JAK1: variants seen among roughly 807,000 people sequenced by gnomAD.
JAK1 encodes tyrosine-protein kinase JAK1.
Under a neutral mutation model 136.6 loss-of-function variants are expected in JAK1, and 16 were observed. The observed-to-expected ratio is 0.12, with a 90% CI of 0.08 to 0.18. JAK1 has a LOEUF of 0.18. Ranked by LOEUF, JAK1 falls within the 10% of genes least tolerant of loss-of-function variation. JAK1 has a pLI of 1.00. For synonymous variants in JAK1, 492 were observed against 519.5 expected (o/e 0.95, Z 0.72); for missense variants, 859 against 1,450.1 (o/e 0.59, Z 6.62).
chr1:65,012,828 TCA>T, intron 2 of JAK1, among the ~76,000 whole-genome samples: 1 of 148,838 alleles, frequency 6.7e-6, no homozygotes, highest in Admixed American at 6.7e-5. Context: ...GCACGGTGGC[TCA>T]CACCTGTAAT....
chr1:64,990,368 C>T (rs538128874), intron 2 of JAK1: 3 of 152,026 alleles, frequency 2.0e-5, no homozygotes, highest in Non-Finnish European at 4.4e-5. Flanking sequence ...GAGACTTCAG[C>T]AACCACACAT....
rs552753496 is a variant in JAK1 at position 64,928,575 on chromosome 1, A to G, written c.-78+37758T>C. On this transcript the variant is annotated intron_variant, in intron 1 of 24. Coordinates refer to ENST00000342505, the MANE Select transcript of JAK1 (RefSeq NM_002227.4). ...TCCTAACTGCTCAGCAGAGAAAAAT[A>G]GCTTAGAGGAGCATAAAGAGACCCA... 7.9e-5 allele frequency among the ~76,000 whole-genome samples: 12 copies of G among 152,246 alleles called. 1 individual carries two copies. In the South Asian group the frequency reaches 8.3e-4, roughly 11 times the overall value.
intron 1 of JAK1, among the ~76,000 whole-genome samples, chr1:65,063,459 T>C (rs773471475): frequency 8.6e-5 from 13 of 151,986 alleles, no homozygotes; most frequent in South Asian, 6.2e-4. Context: ...CAGTGGAAAA[T>C]AGAAACACAA....
At chr1:64,944,389 T>C (rs1048715799) in intron 1 of JAK1, among the ~76,000 whole-genome samples, 5 of 152,222 alleles carry the variant, frequency 3.3e-5, no homozygotes, top group Admixed American at 3.3e-4. Context: ...ATATAAATAA[T>C]ATGTCACTTT....
intron 2 of JAK1, chr1:64,986,076 A>G: frequency 9.2e-7 from 1 of 1,090,506 alleles, no homozygotes; most frequent in South Asian, 1.2e-5. Context: ...AGATGGGGTG[A>G]CCTTCTATGT....
chr1:64,861,160 G>A (rs756016286), intron 8 of JAK1, among the ~76,000 whole-genome samples: 3 of 152,090 alleles, frequency 2.0e-5, no homozygotes, highest in Non-Finnish European at 2.9e-5. Context: ...TGGCTAAATC[G>A]GCATTATTCC....
intron 6 of JAK1, among the ~76,000 whole-genome samples, chr1:64,868,115 T>C (rs551474633): frequency 2.2e-4 from 33 of 152,314 alleles, no homozygotes; most frequent in African/African-American, 7.5e-4. Context: ...AGATATATTA[T>C]TTAAAAGATC....
intron 1 of JAK1, among the ~76,000 whole-genome samples, chr1:64,898,164 C>T (rs756968862): frequency 1.5e-4 from 23 of 152,108 alleles, no homozygotes; most frequent in Admixed American, 1.3e-4. Flanking sequence ...AAGAACTTTC[C>T]CAAAGCTTGT....
At chr1:65,039,137 G>A (rs1647105221) in intron 2 of JAK1, among the ~76,000 whole-genome samples, 1 of 152,178 alleles carries the variant, frequency 6.6e-6, no homozygotes, top group Non-Finnish European at 1.5e-5. Flanking sequence ...CTGATAGTTT[G>A]AGATAATAGA....
intron 2 of JAK1, chr1:64,991,839 CA>C (rs1232844200): frequency 6.6e-6 from 1 of 152,104 alleles, no homozygotes; most frequent in Non-Finnish European, 1.5e-5. Context: ...ACAATCGCAT[CA>C]AAAAGTATAA....
intron 1 of JAK1, among the ~76,000 whole-genome samples, chr1:64,963,474 T>C (rs1011752969): frequency 2.6e-5 from 4 of 152,154 alleles, no homozygotes; most frequent in African/African-American, 7.2e-5. Flanking sequence ...AAAAAACCTT[T>C]ACCCCAAAAA....
chr1:64,869,530 A>G, intron 5 of JAK1, 56 bp from the exon 6 acceptor site: 1 of 1,486,156 alleles, frequency 6.7e-7, no homozygotes, highest in Non-Finnish European at 9.3e-7. Context: ...CTTGACAAGA[A>G]GGCTACTACA....
At position 64,928,368 on chromosome 1, in the gene JAK1, C is replaced by A. The variant is rs573106057; in HGVS notation, c.-78+37965G>T. Among the ~76,000 whole-genome samples, 10 of 152,252 alleles carry A rather than the reference C, an allele frequency of 6.6e-5. No individual in the cohort carries two copies. In the South Asian group the frequency reaches 2.1e-3, roughly 32 times the overall value. On this transcript the variant is annotated intron_variant, in intron 1 of 24. Transcript: ENST00000342505. ...AAAGATTCCAGAACAAAGAATACTG[C>A]GAGAAAAAGTAGGCTCAGGCTGGGG...
intron 1 of JAK1, among the ~76,000 whole-genome samples, chr1:64,945,317 T>G (rs1246268967): frequency 2.0e-5 from 3 of 152,132 alleles, no homozygotes; most frequent in Admixed American, 6.6e-5. Flanking sequence ...TAAAAATTAT[T>G]AATGCAATTA....
chr1:64,873,945 G>A (rs191151811), intron 4 of JAK1, among the ~76,000 whole-genome samples: 60 of 152,254 alleles, frequency 3.9e-4, no homozygotes, highest in African/African-American at 1.4e-3. Context: ...GTTTCATCAC[G>A]CAATCAAGAT....
intron 1 of JAK1, among the ~76,000 whole-genome samples, chr1:64,915,165 A>G (rs1468978386): frequency 6.6e-6 from 1 of 152,098 alleles, no homozygotes; most frequent in African/African-American, 2.4e-5. Flanking sequence ...GAAATACCCA[A>G]TTTCACTCCC....
intron 1 of JAK1, among the ~76,000 whole-genome samples, chr1:64,952,013 A>G (rs766087577): frequency 3.3e-5 from 5 of 152,114 alleles, no homozygotes; most frequent in Admixed American, 6.5e-5. Flanking sequence ...CTTGGCGCAC[A>G]TTTCCCCCAG....
In JAK1 at chr1:64,838,517, T is replaced by C. The variant is rs1260352479; in HGVS notation, c.2915A>G (p.Lys972Arg). The part of the protein sequence containing the change: ...GSLKEYLPKN[K>R]NKINLKQQLK... ...CTGCTGTTTGAGGTTTATTTTGTTC[T>C]TATTCTTTGGAAGATATTCCTTAAG... Residue 972 changes from lysine (K) to arginine (R), a missense_variant, in exon 21 of 25, where the codon AAG (lysine) becomes AGG (arginine). Transcript: ENST00000342505. The C allele has an allele frequency of 6.2e-7, 1 of 1,614,016 alleles. No homozygotes were observed. The highest frequency in any genetic ancestry group is 1.1e-5 in the South Asian group (1 of 91,080).
chr1:65,057,218 A>G (rs375309517), intron 1 of JAK1, among the ~76,000 whole-genome samples: 35 of 152,306 alleles, frequency 2.3e-4, no homozygotes, highest in African/African-American at 8.4e-4. Flanking sequence ...TCTAACACAT[A>G]ATCAAGTCAT....
Sources: gnomAD v4.1 joint callset for allele counts (sites outside exome capture counted in the v4.1 genomes callset) on GRCh38, gnomAD v4.1.1 for gene constraint, MANE v1.5 for transcripts, NCBI Gene and HGNC (gene_info 2026-07-23, HGNC 2026-07-21) for gene names.